LRBA: variants seen among roughly 807,000 people sequenced by gnomAD.
LRBA encodes LPS responsive beige-like anchor protein.
Under a neutral mutation model 330.0 loss-of-function variants are expected in LRBA, and 176 were observed. That is an observed-to-expected ratio of 0.53 (90% CI 0.47 to 0.60). The LOEUF (loss-of-function observed/expected upper bound fraction) is 0.60, where lower values mean the gene tolerates loss of function less well. Ranked by LOEUF, LRBA falls within the 20% of genes least tolerant of loss-of-function variation. The probability of loss-of-function intolerance (pLI) is 0.00; values close to 1 mark genes in which losing one functional copy is unlikely to be tolerated. For synonymous variants in LRBA, 1,230 were observed against 1,193.0 expected (o/e 1.03, Z -0.64); for missense variants, 3,259 against 3,444.8 (o/e 0.95, Z 1.35).
chr4:150,930,081 G>A (rs1415278142), intron 2 of LRBA, among the ~76,000 whole-genome samples: 1 of 152,074 alleles, frequency 6.6e-6, no homozygotes, highest in African/African-American at 2.4e-5. Context: ...TTGGGAGACC[G>A]AGGCAGGCGG....
At chr4:150,700,738 T>G (rs1005019030) in intron 36 of LRBA, among the ~76,000 whole-genome samples, 15 of 151,260 alleles carry the variant, frequency 9.9e-5, no homozygotes, top group Admixed American at 6.6e-5. Context: ...TCTTTCTTTA[T>G]ATCCTTATTC....
At chr4:150,890,848 C>G (rs1175497934) in intron 17 of LRBA, among the ~76,000 whole-genome samples, 1 of 152,084 alleles carries the variant, frequency 6.6e-6, no homozygotes, top group Non-Finnish European at 1.5e-5. Flanking sequence ...CTTGCCCAGA[C>G]TTTCAATAGA....
intron 40 of LRBA, among the ~76,000 whole-genome samples, chr4:150,506,729 G>A (rs182182502): frequency 1.7e-3 from 257 of 152,266 alleles, no homozygotes; most frequent in African/African-American, 6.0e-3. Flanking sequence ...TCTGGCCAGG[G>A]CAATCCGTCA....
intron 41 of LRBA, among the ~76,000 whole-genome samples, chr4:150,489,265 A>AAAATATAATATATTATATATACGT (rs1561250410): frequency 2.9e-5 from 1 of 34,442 alleles, no homozygotes; most frequent in East Asian, 1.6e-3. Flanking sequence ...TATATATAAG[A>AAAATATAATATATTATATATACGT]ATATATAATA....
At chr4:150,361,617 CT>C (rs1738701980) in intron 47 of LRBA, among the ~76,000 whole-genome samples, 1 of 152,132 alleles carries the variant, frequency 6.6e-6, no homozygotes. Context: ...TCTTTTTCCT[CT>C]AACATTTCAG....
intron 2 of LRBA, among the ~76,000 whole-genome samples, chr4:150,992,865 A>C (rs919437409): frequency 6.6e-6 from 1 of 152,232 alleles, no homozygotes. Context: ...ACTAAAACTG[A>C]TATTTATTAT....
At chr4:150,821,579 A>C (rs1462359289) in intron 30 of LRBA, among the ~76,000 whole-genome samples, 1 of 152,292 alleles carries the variant, frequency 6.6e-6, no homozygotes, top group South Asian at 2.1e-4. Context: ...CCCGATCAAT[A>C]AAGTTGAGAA....
At chr4:150,874,736 A>T (rs1753814053) in intron 17 of LRBA, among the ~76,000 whole-genome samples, 1 of 151,994 alleles carries the variant, frequency 6.6e-6, no homozygotes, top group African/African-American at 2.4e-5. Context: ...CACAGATCAT[A>T]GCACTGGACC....
intron 14 of LRBA, among the ~76,000 whole-genome samples, chr4:150,899,489 T>C (rs2127130027): frequency 6.6e-6 from 1 of 152,248 alleles, no homozygotes; most frequent in East Asian, 1.9e-4. Context: ...CTGTTATAGT[T>C]ACAACCAAAA....
At position 150,818,799 on chromosome 4, in the gene LRBA, G is replaced by A. The variant is rs1001712299; in HGVS notation, c.5172-1542C>T. Among the ~76,000 whole-genome samples the A allele has an allele frequency of 3.3e-5, 5 of 151,950 alleles. 1 individual carries two copies. The East Asian group carries it at 9.7e-4, about 29-fold the overall frequency. On this transcript the variant is annotated intron_variant, in intron 30 of 56. Coordinates refer to ENST00000651943, the MANE Select transcript of LRBA (RefSeq NM_001364905.1). Reference sequence around the variant, plus strand: ...TCTAGTTTACTCATACTGTAAGTAGGGACTGAATTGAGCAATAGAAAAGAA... The same window carrying A: ...TCTAGTTTACTCATACTGTAAGTAGAGACTGAATTGAGCAATAGAAAAGAA...
rs779993728 is a variant in LRBA at position 150,321,213 on chromosome 4, C to T, written c.7608G>A (p.Val2536=). 6.2e-7 allele frequency: 1 copy of T among 1,608,218 alleles called. No individual in the cohort carries two copies. Among genetic ancestry groups the T allele is most frequent in the Admixed American group, 1.7e-5 (1 of 58,460 alleles). The change falls in exon 50 of 57, where the codon GTG becomes GTA. Residue 2536 remains valine (V), a synonymous_variant. Transcript: ENST00000651943. The surrounding 1 kb of genome is among the most constrained non-coding windows in gnomAD (Gnocchi z 4.5). ...ITVTANRLFA[V]NKWHNLPAHQ... Reference sequence around the variant, plus strand: ...TACCAGGAAGGTTGTGCCATTTGTTCACCGCAAATAACCTGTTAGCAGTGA... The same window carrying T: ...TACCAGGAAGGTTGTGCCATTTGTTTACCGCAAATAACCTGTTAGCAGTGA...
chr4:150,597,494 TC>T (rs1186261568), intron 38 of LRBA, among the ~76,000 whole-genome samples: 1 of 151,796 alleles, frequency 6.6e-6, no homozygotes, highest in Non-Finnish European at 1.5e-5. Context: ...AAACAAATCC[TC>T]CCCTTCCAGA....
intron 47 of LRBA, among the ~76,000 whole-genome samples, chr4:150,371,480 C>T (rs1443255741): frequency 2.6e-5 from 4 of 152,008 alleles, no homozygotes; most frequent in Non-Finnish European, 5.9e-5. Context: ...CACAAGCCAC[C>T]GCGCCTGGCC....
chr4:150,712,923 AGTTTTTTG>A (rs914937921), intron 36 of LRBA, among the ~76,000 whole-genome samples: 8 of 152,046 alleles, frequency 5.3e-5, no homozygotes, highest in African/African-American at 1.7e-4. Context: ...AAAGAAAACC[AGTTTTTTG>A]GTTTTTTGGA....
At chr4:150,436,653 T>C in intron 45 of LRBA, 71 bp downstream of exon 45, 1 of 1,320,170 alleles carries the variant, frequency 7.6e-7, no homozygotes, top group Non-Finnish European at 1.0e-6. Flanking sequence ...TGCTTATGAG[T>C]TCTAATTTTT....
In LRBA at chr4:150,559,959, AAT is replaced by A. The variant is rs1286705401; in HGVS notation, c.6330+28087_6330+28088del. Among the ~76,000 whole-genome samples the A allele has an allele frequency of 6.0e-3, 677 of 112,950 alleles. 9 individuals are homozygous for A. Among genetic ancestry groups the A allele is most frequent in the African/African-American group, 0.022 (653 of 29,244 alleles). 74.1% of individuals were successfully genotyped at this position (112,950 alleles called of 152,430 possible). ...ATATATCTATATAAATATATATATA[AAT>A]ATATATATTTATATAAAATAAGGGA... On this transcript the variant is annotated intron_variant, in intron 40 of 56. Transcript: ENST00000651943.
intron 2 of LRBA, among the ~76,000 whole-genome samples, chr4:150,964,548 T>C (rs1030580964): frequency 2.2e-4 from 33 of 151,232 alleles, no homozygotes; most frequent in Non-Finnish European, 3.8e-4. Flanking sequence ...CTCTGAAACA[T>C]GTGCTGTGTC....
At chr4:150,555,263 C>T (rs552270914) in intron 40 of LRBA, among the ~76,000 whole-genome samples, 1 of 152,288 alleles carries the variant, frequency 6.6e-6, no homozygotes, top group South Asian at 2.1e-4. Context: ...TACAATGCTA[C>T]TACCTATCCT....
At chr4:150,944,737 CT>C (rs1164910117) in intron 2 of LRBA, among the ~76,000 whole-genome samples, 7 of 152,158 alleles carry the variant, frequency 4.6e-5, no homozygotes, top group African/African-American at 1.4e-4. Flanking sequence ...TCTGGCATGA[CT>C]CTATACATCT....
Sources: allele counts gnomAD v4.1 joint callset (sites outside exome capture counted in the v4.1 genomes callset), GRCh38; gene constraint gnomAD v4.1.1; non-coding constraint Gnocchi (gnomAD v3.1); transcripts MANE v1.5; gene names NCBI Gene and HGNC (gene_info 2026-07-23, HGNC 2026-07-21).